The following SMURF2 variants were observed in gnomAD, a reference collection of about 807,000 sequenced individuals.
SMURF2 encodes SMAD specific E3 ubiquitin protein ligase 2.
SMURF2 carries 48 observed loss-of-function variants against 109.6 expected under a neutral mutation model. The observed-to-expected ratio is 0.44, with a 90% CI of 0.35 to 0.56. The LOEUF is 0.56. Among genes scored for constraint, SMURF2 ranks in the 20% least tolerant of loss-of-function variants. The pLI is 0.01. For synonymous variants in SMURF2, 288 were observed against 317.1 expected (o/e 0.91, Z 0.97); for missense variants, 575 against 909.0 (o/e 0.63, Z 4.72).
At chr17:64,591,600 T>TCTGGGTTTG (rs1325204554) in intron 4 of SMURF2, among the ~76,000 whole-genome samples, 4 of 152,160 alleles carry the variant, frequency 2.6e-5, no homozygotes, top group African/African-American at 9.7e-5. Context: ...AACTGTAAAA[T>TCTGGGTTTG]CTGGGTTTGC....
intron 1 of SMURF2, among the ~76,000 whole-genome samples, chr17:64,660,000 A>G (rs2144743860): frequency 6.6e-6 from 1 of 152,288 alleles, no homozygotes; most frequent in East Asian, 1.9e-4. Context: ...AAACAAAATC[A>G]CTATAAATGT....
At chr17:64,640,058 C>A (rs1413059663) in intron 1 of SMURF2, among the ~76,000 whole-genome samples, 1 of 152,160 alleles carries the variant, frequency 6.6e-6, no homozygotes, top group East Asian at 1.9e-4. Context: ...TCTATACTAT[C>A]TTCAGATTTA....
At chr17:64,564,234 A>G (rs577830640) in intron 10 of SMURF2, among the ~76,000 whole-genome samples, 1 of 152,364 alleles carries the variant, frequency 6.6e-6, no homozygotes, top group Non-Finnish European at 1.5e-5. Context: ...GCCCATCAGT[A>G]GATAAATGAA....
intron 8 of SMURF2, 97 bp downstream of exon 8, chr17:64,580,692 G>T: frequency 8.0e-7 from 1 of 1,245,734 alleles, no homozygotes; most frequent in Non-Finnish European, 1.1e-6. Flanking sequence ...GAATCCCTAA[G>T]CTCAGATTAA....
At chr17:64,603,057 T>G (rs1483990457) in intron 2 of SMURF2, among the ~76,000 whole-genome samples, 3 of 151,702 alleles carry the variant, frequency 2.0e-5, no homozygotes, top group Admixed American at 2.0e-4. Context: ...TAAAATAACA[T>G]TTTCAACTCA....
At chr17:64,615,499 G>A (rs1331820552) in intron 1 of SMURF2, among the ~76,000 whole-genome samples, 1 of 152,164 alleles carries the variant, frequency 6.6e-6, no homozygotes, top group Admixed American at 6.5e-5. Flanking sequence ...CACCATTCCT[G>A]ACCAGTGGCA....
At chr17:64,572,970 G>A (rs1969419818) in intron 9 of SMURF2, 1 of 151,732 alleles carries the variant, frequency 6.6e-6, no homozygotes, top group South Asian at 2.1e-4. Flanking sequence ...AACAATGTAT[G>A]ATATGATCAG....
chr17:64,650,038 T>C (rs1970614899), intron 1 of SMURF2, among the ~76,000 whole-genome samples: 1 of 152,182 alleles, frequency 6.6e-6, no homozygotes, highest in African/African-American at 2.4e-5. Flanking sequence ...TTAATCATTA[T>C]TAATGTCGTA....
rs575307694 is a variant in SMURF2, at chr17:64,545,742, G to A, written c.*106C>T. ...AAAAAAAAAAAAAAAAAGGGGGGGG[G>A]GGGGAGTGTTTTCCTGTATTTCAGC... is the stretch of plus-strand genomic sequence containing the variant. On this transcript the variant is annotated 3_prime_UTR_variant, in exon 19 of 19. Coordinates refer to ENST00000262435, the MANE Select transcript of SMURF2 (RefSeq NM_022739.4). 1.8e-5 allele frequency: 7 copies of A among 397,810 alleles called. No homozygotes were observed. Among genetic ancestry groups the A allele is most frequent in the East Asian group, 8.3e-5 (2 of 24,130 alleles). 24.6% of individuals were successfully genotyped at this position (397,810 alleles called of 1,614,324 possible). A position where few individuals can be genotyped will look rare whatever the true frequency, so the allele number is the denominator to read the frequency against.
At chr17:64,562,153 C>T (rs1468426091) in intron 11 of SMURF2, among the ~76,000 whole-genome samples, 7 of 151,046 alleles carry the variant, frequency 4.6e-5, no homozygotes, top group African/African-American at 1.5e-4. Context: ...ATTAGCTGAG[C>T]GTGGTAGCGT....
rs782525426 is a variant in SMURF2 at position 64,547,172 on chromosome 17, G to C, written c.2071+428C>G. The stretch of plus-strand genomic sequence containing the variant: ...ATGCAGTAATTAAAATGCTCTGACC[G>C]AACAGATGGTTTCCATGACCCATGC... On this transcript the variant is annotated intron_variant, in intron 17 of 18. Transcript: ENST00000262435. The surrounding 1 kb of genome is among the most constrained non-coding windows in gnomAD (Gnocchi z 4.2). 4.9e-4 allele frequency among the ~76,000 whole-genome samples: 75 copies of C among 152,180 alleles called. No homozygotes were observed. The highest frequency in any genetic ancestry group is 1.8e-3 in the African/African-American group (73 of 41,428).
chr17:64,621,330 A>G (rs896321956), intron 1 of SMURF2, among the ~76,000 whole-genome samples: 1 of 152,368 alleles, frequency 6.6e-6, no homozygotes, highest in South Asian at 2.1e-4. Flanking sequence ...CTGTAATCCC[A>G]GCACTTTGGG....
At position 64,581,765 on chromosome 17, in the gene SMURF2, C is replaced by T. The variant is rs782326569; in HGVS notation, c.570-774G>A. Among the ~76,000 whole-genome samples, 7 of 152,026 alleles carry T rather than the reference C, an allele frequency of 4.6e-5. No homozygotes were observed. The highest frequency in any genetic ancestry group is 8.8e-5 in the Non-Finnish European group (6 of 67,962). On this transcript the variant is annotated intron_variant, in intron 7 of 18. Transcript: ENST00000262435. This position sits in a 1 kb window ranked among gnomAD's most constrained non-coding sequence, Gnocchi z 4.3. ...TTTGAGACCAGCCTGGCCAACACAG[C>T]GAAACCCCATCTCTACTAAAAATAC...
At chr17:64,652,975 A>G (rs1970659318) in intron 1 of SMURF2, among the ~76,000 whole-genome samples, 1 of 152,182 alleles carries the variant, frequency 6.6e-6, no homozygotes, top group African/African-American at 2.4e-5. Context: ...AGAAGAAAAC[A>G]CAGAGAAAAT....
At chr17:64,593,257 T>C (rs1211681467) in intron 4 of SMURF2, 183 bp downstream of exon 4, 1 of 331,398 alleles carries the variant, frequency 3.0e-6, no homozygotes, top group East Asian at 6.0e-5. Flanking sequence ...TTTTTACCAA[T>C]GTTTCAGACA....
At chr17:64,659,126 C>T (rs548251212) in intron 1 of SMURF2, among the ~76,000 whole-genome samples, 9 of 152,052 alleles carry the variant, frequency 5.9e-5, no homozygotes, top group Non-Finnish European at 1.3e-4. Context: ...TTAAATATTT[C>T]CTCTTCTTCA....
chr17:64,644,596 C>CA (rs61408446), intron 1 of SMURF2, among the ~76,000 whole-genome samples: 17 of 129,444 alleles, frequency 1.3e-4, no homozygotes, highest in South Asian at 2.6e-4. Context: ...GACTCTGTCT[C>CA]AAAAAAAAAA....
chr17:64,598,347 A>G (rs1241853034), intron 3 of SMURF2, 35 bp downstream of exon 3: 1 of 1,443,842 alleles, frequency 6.9e-7, no homozygotes, highest in African/African-American at 1.4e-5. Context: ...TAATTTAATG[A>G]TATGTTCCAT....
chr17:64,654,831 A>G (rs1970684877), intron 1 of SMURF2, among the ~76,000 whole-genome samples: 1 of 152,038 alleles, frequency 6.6e-6, no homozygotes, highest in Non-Finnish European at 1.5e-5. Flanking sequence ...CTCAGTATCA[A>G]AAAATAATAA....
Sources: allele counts gnomAD v4.1 joint callset (sites outside exome capture counted in the v4.1 genomes callset), GRCh38; gene constraint gnomAD v4.1.1; non-coding constraint Gnocchi (gnomAD v3.1); transcripts MANE v1.5; gene names NCBI Gene and HGNC (gene_info 2026-07-23, HGNC 2026-07-21).